Variants in NTM observed in about 807,000 individuals in gnomAD.
The protein encoded by NTM is neurotrimin.
A neutral mutation model predicts 42.1 loss-of-function variants in NTM; 13 were observed. The ratio of observed to expected loss-of-function variants is 0.31; its 90% CI spans 0.20 to 0.49. The LOEUF is 0.49. Among genes scored for constraint, NTM ranks in the 20% least tolerant of loss-of-function variants. NTM has a pLI of 0.99. For synonymous variants in NTM, 187 were observed against 179.2 expected, an observed-to-expected ratio of 1.04 and a Z score of -0.35; for missense variants, 373 against 452.8, an observed-to-expected ratio of 0.82 and a Z score of 1.60.
chr11:131,669,883 G>T (rs1450617227), intron 1 of NTM, among the ~76,000 whole-genome samples: 2 of 152,176 alleles, frequency 1.3e-5, no homozygotes, highest in Non-Finnish European at 2.9e-5. Context: ...AGATTTGAGC[G>T]ATCTCTTGCC....
chr11:131,808,850 G>A (rs1041170826), intron 1 of NTM, among the ~76,000 whole-genome samples: 1 of 152,214 alleles, frequency 6.6e-6, no homozygotes, highest in Non-Finnish European at 1.5e-5. Context: ...CACACCCAGA[G>A]GCTGGCGGGA....
chr11:131,376,747 G>T (rs1942028197), intron 1 of NTM, among the ~76,000 whole-genome samples: 1 of 150,976 alleles, frequency 6.6e-6, no homozygotes, highest in Non-Finnish European at 1.5e-5. Context: ...TGCTGGTTTT[G>T]GCTTTACTTC....
In NTM at chr11:131,581,241, C is replaced by T. The variant is rs117975629; in HGVS notation, c.82+210353C>T. 8.9e-3 allele frequency among the ~76,000 whole-genome samples: 1,363 copies of T among 152,326 alleles called. 5 individuals are homozygous for T. The highest frequency in any genetic ancestry group is 0.014 in the Non-Finnish European group (969 of 68,038). The stretch of plus-strand genomic sequence containing the variant: ...GGCAGTCTTCCTGGCTCCTGACTAG[C>T]CTTCCACCTCTATTTTCCTCTTGCT... On this transcript the variant is annotated intron_variant, in intron 1 of 8. Coordinates refer to ENST00000683400, the MANE Select transcript of NTM (RefSeq NM_001352005.2).
chr11:132,245,115 A>T (rs1258348497), intron 4 of NTM, among the ~76,000 whole-genome samples: 1 of 152,190 alleles, frequency 6.6e-6, no homozygotes, highest in Non-Finnish European at 1.5e-5. Flanking sequence ...GATTAGGCAG[A>T]GAGGTTCCCC....
At chr11:132,263,520 T>C (rs1430365705) in intron 4 of NTM, among the ~76,000 whole-genome samples, 1 of 152,272 alleles carries the variant, frequency 6.6e-6, no homozygotes, top group Non-Finnish European at 1.5e-5. Context: ...CTTAGTGTTC[T>C]TTCTTTTCCA....
chr11:131,508,202 AC>A (rs1385449198), intron 1 of NTM, among the ~76,000 whole-genome samples: 1 of 146,316 alleles, frequency 6.8e-6, no homozygotes, highest in South Asian at 2.2e-4. Flanking sequence ...AAAACAAACA[AC>A]CCCATCAAAA....
intron 2 of NTM, among the ~76,000 whole-genome samples, chr11:132,106,669 G>A (rs1021735943): frequency 6.6e-6 from 1 of 152,230 alleles, no homozygotes; most frequent in African/African-American, 2.4e-5. Flanking sequence ...GCTATCTGCA[G>A]AGTTTAAACA....
intron 7 of NTM, chr11:132,315,176 C>T: frequency 1.3e-6 from 1 of 746,772 alleles, no homozygotes; most frequent in Non-Finnish European, 1.6e-6. Context: ...TTTGCTATTT[C>T]AGTCTTTGCT....
intron 1 of NTM, among the ~76,000 whole-genome samples, chr11:131,498,923 CAGG>C (rs774825030): frequency 6.6e-6 from 1 of 152,186 alleles, no homozygotes; most frequent in Non-Finnish European, 1.5e-5. Context: ...CAGTTCCAGG[CAGG>C]AGATGTGACC....
intron 1 of NTM, among the ~76,000 whole-genome samples, chr11:131,837,921 A>C (rs7102795): frequency 0.054 from 8,153 of 152,260 alleles, 744 homozygotes; most frequent in African/African-American, 0.19. Flanking sequence ...ATACTAACCC[A>C]AAATAAATTT....
intron 4 of NTM, among the ~76,000 whole-genome samples, chr11:132,246,117 G>A (rs759646510): frequency 2.0e-5 from 3 of 152,190 alleles, no homozygotes; most frequent in Non-Finnish European, 4.4e-5. Context: ...AGCACTGAGC[G>A]GAACTGGCTG....
At chr11:132,327,329 T>A (rs1328866536) in intron 7 of NTM, among the ~76,000 whole-genome samples, 1 of 152,230 alleles carries the variant, frequency 6.6e-6, no homozygotes, top group Non-Finnish European at 1.5e-5. Flanking sequence ...GATTAATGTC[T>A]GTAAACCTCA....
intron 4 of NTM, among the ~76,000 whole-genome samples, chr11:132,244,683 T>C (rs1240104150): frequency 6.6e-6 from 1 of 152,206 alleles, no homozygotes; most frequent in Non-Finnish European, 1.5e-5. Context: ...CACTAGCTTC[T>C]CTGTACATAG....
At chr11:131,460,181 C>G (rs1050757324) in intron 1 of NTM, among the ~76,000 whole-genome samples, 3 of 152,006 alleles carry the variant, frequency 2.0e-5, no homozygotes, top group African/African-American at 7.3e-5. Flanking sequence ...CCTGCATGGC[C>G]CAGATGATGA....
At chr11:131,995,909 G>T (rs561108975) in intron 2 of NTM, among the ~76,000 whole-genome samples, 1 of 152,220 alleles carries the variant, frequency 6.6e-6, no homozygotes, top group East Asian at 1.9e-4. Flanking sequence ...TGAGGGGTCT[G>T]GCATCTCATT....
At chr11:131,605,245 G>A (rs976602127) in intron 1 of NTM, among the ~76,000 whole-genome samples, 4 of 152,128 alleles carry the variant, frequency 2.6e-5, no homozygotes, top group Admixed American at 1.3e-4. Context: ...ATGTTTTATA[G>A]TTTTCAGAGT....
chr11:132,110,040 C>T (rs2062956701), intron 2 of NTM, among the ~76,000 whole-genome samples: 1 of 152,204 alleles, frequency 6.6e-6, no homozygotes, highest in Non-Finnish European at 1.5e-5. Flanking sequence ...ACATAACAAC[C>T]TTTCACTTGG....
chr11:131,654,607 G>A (rs543678468), intron 1 of NTM, among the ~76,000 whole-genome samples: 1 of 152,326 alleles, frequency 6.6e-6, no homozygotes, highest in African/African-American at 2.4e-5. Flanking sequence ...GGTGGGAGGT[G>A]TTGGGTAATG....
intron 1 of NTM, among the ~76,000 whole-genome samples, chr11:131,461,730 G>T (rs1951396816): frequency 6.6e-6 from 1 of 152,046 alleles, no homozygotes; most frequent in African/African-American, 2.4e-5. Flanking sequence ...TGAGGCAATG[G>T]GTATATTATC....
Sources: allele counts gnomAD v4.1 joint callset (sites outside exome capture counted in the v4.1 genomes callset), GRCh38; gene constraint gnomAD v4.1.1; transcripts MANE v1.5; gene names NCBI Gene and HGNC (gene_info 2026-07-23, HGNC 2026-07-21).